Variants in MACROH2A1 observed in about 807,000 individuals in gnomAD.
MACROH2A1 encodes the protein core histone macro-H2A.1.
Under a neutral mutation model 31.6 loss-of-function variants are expected in MACROH2A1, and 2 were observed. That is an observed-to-expected ratio of 0.06 (90% CI 0.03 to 0.20). MACROH2A1 has a LOEUF of 0.20. Among genes scored for constraint, MACROH2A1 ranks in the 10% least tolerant of loss-of-function variants. MACROH2A1 has a pLI of 1.00. For synonymous variants in MACROH2A1, 169 were observed against 189.6 expected, an observed-to-expected ratio of 0.89 and a Z score of 0.89; for missense variants, 230 against 474.0, an observed-to-expected ratio of 0.49 and a Z score of 4.78.
intron 5 of MACROH2A1, chr5:135,360,250 A>T (rs531753071): frequency 5.6e-6 from 3 of 539,012 alleles, no homozygotes; most frequent in Non-Finnish European, 1.0e-5. Flanking sequence ...CATCTCCCAC[A>T]GGAGCTGCCT....
In MACROH2A1 at chr5:135,369,609, A is replaced by AG; in HGVS notation, c.280-7dup. On this transcript the variant is annotated splice_polypyrimidine_tract_variant and splice_region_variant and intron_variant, in intron 3 of 8. Transcript: ENST00000511689. This position sits in a 1 kb window ranked among gnomAD's most constrained non-coding sequence, Gnocchi z 4.3. ...ATGGTGACTCCTTTTAGCAGCTTTCAGGAAAACCAGAATAGCAGATAGTGA... is the reference window on the plus strand; with the variant it reads ...ATGGTGACTCCTTTTAGCAGCTTTCAGGGAAAACCAGAATAGCAGATAGTGA... The AG allele has an allele frequency of 6.2e-7, 1 of 1,610,988 alleles. No individual in the cohort carries two copies. Among genetic ancestry groups the AG allele is most frequent in the South Asian group, 1.1e-5 (1 of 90,976 alleles).
At chr5:135,366,579 A>AT (rs202177855) in intron 4 of MACROH2A1, among the ~76,000 whole-genome samples, 115 of 150,384 alleles carry the variant, frequency 7.6e-4, no homozygotes, top group African/African-American at 2.4e-3. Flanking sequence ...TACGATTTTT[A>AT]TTTAAAAAAA....
rs184242976 is a variant in MACROH2A1, at chr5:135,352,272, G to A, written c.688+674C>T. ...ATGCAAAGATAAAGCCATAGAGGCA[G>A]GACACTTGAGGGGCACCTCTCAGTC... On this transcript the variant is annotated intron_variant, in intron 6 of 8. Coordinates refer to ENST00000511689, the MANE Select transcript of MACROH2A1 (RefSeq NM_138610.3). Among the ~76,000 whole-genome samples the A allele has an allele frequency of 1.9e-3, 292 of 152,342 alleles. 2 individuals are homozygous for A. The highest frequency in any genetic ancestry group is 3.0e-3 in the Non-Finnish European group (207 of 68,034).
intron 1 of MACROH2A1, among the ~76,000 whole-genome samples, chr5:135,392,426 T>C (rs1445695903): frequency 6.6e-6 from 1 of 152,196 alleles, no homozygotes; most frequent in Non-Finnish European, 1.5e-5. Context: ...AATGGGGTTG[T>C]CTTGCAGAGA....
intron 1 of MACROH2A1, among the ~76,000 whole-genome samples, chr5:135,390,564 G>A (rs1767084346): frequency 6.6e-6 from 1 of 152,206 alleles, no homozygotes; most frequent in Admixed American, 6.5e-5. Flanking sequence ...GCCTTGGCCT[G>A]TTCTGGGGCC....
At chr5:135,353,366 T>C (rs1761809400) in intron 5 of MACROH2A1, 2 of 324,506 alleles carry the variant, frequency 6.2e-6, no homozygotes, top group African/African-American at 2.1e-5. Context: ...AAGGCAGCTA[T>C]CAGGACCTAG....
chr5:135,352,105 T>C (rs1761658318), intron 6 of MACROH2A1, among the ~76,000 whole-genome samples: 1 of 152,180 alleles, frequency 6.6e-6, no homozygotes, highest in African/African-American at 2.4e-5. Flanking sequence ...CAGCAGAAGC[T>C]GAGAGCTCAA....
intron 2 of MACROH2A1, among the ~76,000 whole-genome samples, chr5:135,379,260 G>A (rs945495634): frequency 6.6e-6 from 1 of 152,160 alleles, no homozygotes. Context: ...AGCACCAGGC[G>A]CTACTATCGG....
At chr5:135,357,778 T>C in intron 5 of MACROH2A1, 1 of 984,324 alleles carries the variant, frequency 1.0e-6, no homozygotes, top group Non-Finnish European at 1.2e-6. Flanking sequence ...GTGTGAACAT[T>C]GGGCAAAATC....
intron 1 of MACROH2A1, among the ~76,000 whole-genome samples, chr5:135,391,219 T>G (rs1020794064): frequency 6.6e-6 from 1 of 152,246 alleles, no homozygotes. Context: ...TTTGCTTTAC[T>G]ACAAATGTGT....
intron 2 of MACROH2A1, among the ~76,000 whole-genome samples, chr5:135,386,684 C>T (rs1766451813): frequency 2.0e-5 from 3 of 152,202 alleles, no homozygotes; most frequent in Admixed American, 6.5e-5. Flanking sequence ...TGCTGATATC[C>T]ACCTCAGGAG....
At chr5:135,351,543 ATTTTTTTTT>A (rs57605717) in intron 6 of MACROH2A1, 10 of 48,494 alleles carry the variant, frequency 2.1e-4, no homozygotes, top group South Asian at 8.3e-4. Context: ...TTATGGTTTA[ATTTTTTTTT>A]TTTTTTTTTT....
At chr5:135,370,176 T>A in intron 2 of MACROH2A1, 34 bp from the exon 3 acceptor site, 2 of 1,365,826 alleles carry the variant, frequency 1.5e-6, no homozygotes, top group Non-Finnish European at 2.1e-6. Context: ...ATGGTCATGT[T>A]AGAGGACCAT....
intron 6 of MACROH2A1, among the ~76,000 whole-genome samples, chr5:135,352,256 T>C (rs1360154951): frequency 1.3e-5 from 2 of 152,196 alleles, no homozygotes; most frequent in Non-Finnish European, 2.9e-5. Context: ...TATGCAAAGA[T>C]AAAGCCATAG....
chr5:135,370,264 G>T (rs907897278), intron 2 of MACROH2A1, 122 bp from the exon 3 acceptor site: 4 of 613,484 alleles, frequency 6.5e-6, no homozygotes, highest in Non-Finnish European at 8.6e-6. Context: ...GCTACCCTGA[G>T]GTGAAAAGCT....
intron 2 of MACROH2A1, among the ~76,000 whole-genome samples, chr5:135,373,793 C>T (rs1764499411): frequency 6.6e-6 from 1 of 152,190 alleles, no homozygotes; most frequent in South Asian, 2.1e-4. Context: ...CTCCTACCAC[C>T]ATAGGGTGGG....
intron 4 of MACROH2A1, among the ~76,000 whole-genome samples, chr5:135,365,889 G>T (rs911492917): frequency 4.6e-5 from 7 of 152,234 alleles, no homozygotes; most frequent in African/African-American, 1.7e-4. Context: ...GAAGGGTGAT[G>T]ATATGGTTTG....
At chr5:135,352,166 G>C (rs1444553048) in intron 6 of MACROH2A1, among the ~76,000 whole-genome samples, 15 of 152,250 alleles carry the variant, frequency 9.9e-5, no homozygotes, top group Admixed American at 9.8e-4. Context: ...CTGCATCTGT[G>C]TGCCTATTTC....
intron 5 of MACROH2A1, chr5:135,356,007 C>G (rs1284914067): frequency 2.0e-5 from 3 of 152,096 alleles, no homozygotes; most frequent in Non-Finnish European, 4.4e-5. Context: ...CAAAATTAGT[C>G]TGATTTTCTG....
Sources: allele counts gnomAD v4.1 joint callset (sites outside exome capture counted in the v4.1 genomes callset), GRCh38; gene constraint gnomAD v4.1.1; non-coding constraint Gnocchi (gnomAD v3.1); transcripts MANE v1.5; gene names NCBI Gene and HGNC (gene_info 2026-07-23, HGNC 2026-07-21).